MYCBP2: variants seen among roughly 807,000 people sequenced by gnomAD.
MYCBP2 encodes the protein E3 ubiquitin-protein ligase MYCBP2.
In MYCBP2, 120 loss-of-function variants were observed where a neutral mutation model predicts 525.3. The ratio of observed to expected loss-of-function variants is 0.23; its 90% confidence interval spans 0.20 to 0.27. The LOEUF is 0.27. MYCBP2 is among the 10% of genes least tolerant of loss of function. The probability of loss-of-function intolerance (pLI) is 1.00; values close to 1 mark genes in which losing one functional copy is unlikely to be tolerated. For missense variants in MYCBP2, 4,149 were observed against 5,657.1 expected (o/e 0.73, Z 8.55); for synonymous variants, 1,894 against 1,955.8 (o/e 0.97, Z 0.83).
At position 77,067,697 on chromosome 13, in the gene MYCBP2, A is replaced by G. The variant is rs1594187864; in HGVS notation, c.12339T>C (p.Ile4113=). ...LGILDMFLGC[I]AKALTVQLKA... Reference sequence around the variant, plus strand: ...TTAGCTGTACAGTGAGTGCTTTGGCAATGCATCCTAGAAACATGTCCAAGA... The same window carrying G: ...TTAGCTGTACAGTGAGTGCTTTGGCGATGCATCCTAGAAACATGTCCAAGA... The change falls in exon 71 of 83, where the codon ATT becomes ATC. Residue 4113 remains isoleucine (I), a synonymous_variant. Coordinates refer to ENST00000544440, the MANE Select transcript of MYCBP2 (RefSeq NM_015057.5). The G allele has an allele frequency of 1.9e-6, 3 of 1,614,136 alleles. No individual in the cohort carries two copies. The highest frequency in any genetic ancestry group is 2.2e-5 in the South Asian group (2 of 91,076).
At chr13:77,204,711 TGCA>T (rs2063095256) in intron 26 of MYCBP2, among the ~76,000 whole-genome samples, 2 of 129,158 alleles carry the variant, frequency 1.5e-5, no homozygotes, top group Non-Finnish European at 3.3e-5. Context: ...TGGAATACTA[TGCA>T]GCCATAAAAA....
At chr13:77,208,591 G>C (rs753036183) in intron 23 of MYCBP2, among the ~76,000 whole-genome samples, 1 of 151,970 alleles carries the variant, frequency 6.6e-6, no homozygotes, top group Non-Finnish European at 1.5e-5. Flanking sequence ...AATTATTTTT[G>C]AGCAAAAAAT....
intron 21 of MYCBP2, among the ~76,000 whole-genome samples, chr13:77,214,421 T>A (rs944368318): frequency 2.6e-5 from 4 of 151,578 alleles, no homozygotes; most frequent in Non-Finnish European, 5.9e-5. Context: ...AACTATCATA[T>A]ATACACACAA....
chr13:77,153,051 C>T (rs973465384), intron 46 of MYCBP2, among the ~76,000 whole-genome samples: 6 of 122,172 alleles, frequency 4.9e-5, no homozygotes, highest in Admixed American at 1.0e-4. Flanking sequence ...GGCGACAGAG[C>T]GAGACTCTGT....
At position 77,158,020 on chromosome 13, in the gene MYCBP2, T is replaced by A. The variant is rs761738858; in HGVS notation, c.6687A>T (p.Pro2229=). ...ACTGTTCATTGCTTTGGATTTGGAG[T>A]GGTAAATTTCCCTCAAGTGCTTCTA... is the stretch of plus-strand genomic sequence containing the variant. ...TILEALEGNL[P]LQIQSNEQSF... Residue 2229 remains proline (P), a synonymous_variant, in exon 45 of 83, where the codon CCA becomes CCT. Coordinates refer to ENST00000544440, the MANE Select transcript of MYCBP2 (RefSeq NM_015057.5). 6.2e-6 allele frequency: 10 copies of A among 1,613,570 alleles called. No individual in the cohort carries two copies. The highest frequency in any genetic ancestry group is 8.5e-6 in the Non-Finnish European group (10 of 1,179,712).
intron 26 of MYCBP2, among the ~76,000 whole-genome samples, chr13:77,200,688 G>C (rs896108625): frequency 6.6e-5 from 10 of 152,300 alleles, no homozygotes; most frequent in African/African-American, 2.4e-4. Context: ...ACTAACAGCG[G>C]ATCTCTCAGC....
chr13:77,261,105 A>G, intron 12 of MYCBP2, 66 bp downstream of exon 12: 9 of 1,304,284 alleles, frequency 6.9e-6, no homozygotes, highest in Non-Finnish European at 9.5e-6. Flanking sequence ...TATCTTAATA[A>G]AGTTTTATTT....
chr13:77,046,449 A>G (rs1211724865), intron 82 of MYCBP2, among the ~76,000 whole-genome samples: 1 of 152,236 alleles, frequency 6.6e-6, no homozygotes, highest in Non-Finnish European at 1.5e-5. Context: ...ACACTGATCA[A>G]TGAGGAATGA....
intron 49 of MYCBP2, among the ~76,000 whole-genome samples, chr13:77,143,928 T>C (rs1222676121): frequency 6.6e-6 from 1 of 152,242 alleles, no homozygotes; most frequent in African/African-American, 2.4e-5. Flanking sequence ...ACCACCATTA[T>C]ATACGCTGTT....
Position 77,326,181 on chromosome 13 carries a change from CT to C in MYCBP2, c.302+292del, listed in dbSNP as rs1260027397. ...TGTCACAGCCGACCAGCACCATCGC[CT>C]TTTCCAGCATCACAGGTTCCCCTAC... On this transcript the variant is annotated intron_variant, in intron 1 of 82. Coordinates refer to ENST00000544440, the MANE Select transcript of MYCBP2 (RefSeq NM_015057.5). The surrounding 1 kb of genome is among the most constrained non-coding windows in gnomAD (Gnocchi z 4.2). Among the ~76,000 whole-genome samples, 2 of 151,426 alleles carry C rather than the reference CT, an allele frequency of 1.3e-5. No homozygotes were observed. The highest frequency in any genetic ancestry group is 4.9e-5 in the African/African-American group (2 of 41,068).
At chr13:77,167,244 T>C (rs2058651665) in intron 40 of MYCBP2, among the ~76,000 whole-genome samples, 1 of 152,060 alleles carries the variant, frequency 6.6e-6, no homozygotes, top group Non-Finnish European at 1.5e-5. Context: ...CATATATAAA[T>C]ATAACATGTG....
Position 77,099,143 on chromosome 13 carries a change from T to TGAAGAATAAAGGAAAGAAGG in MYCBP2, c.8141-150_8141-131dup, listed in dbSNP as rs1284705186. 3 of 1,204,734 alleles carry TGAAGAATAAAGGAAAGAAGG rather than the reference T, an allele frequency of 2.5e-6. No homozygotes were observed. The Admixed American group carries it at 7.7e-5, about 31-fold the overall frequency. The allele number at this position is 1,204,734 out of a possible 1,614,324, so 74.6% of individuals were successfully genotyped here. On this transcript the variant is annotated intron_variant, in intron 55 of 82. Transcript: ENST00000544440. ...TGTTTGTCATACATACTAAAATACTTGAAGAATAAAGGAAAGAAGGGGGAA... is the reference window on the plus strand; with the variant it reads ...TGTTTGTCATACATACTAAAATACTTGAAGAATAAAGGAAAGAAGGGAAGAATAAAGGAAAGAAGGGGGAA...
At chr13:77,145,154 A>T (rs2055324847) in intron 48 of MYCBP2, among the ~76,000 whole-genome samples, 1 of 152,058 alleles carries the variant, frequency 6.6e-6, no homozygotes, top group African/African-American at 2.4e-5. Flanking sequence ...TCCACAATTT[A>T]TCCTTATTAG....
At chr13:77,047,871 T>C (rs1356205430) in intron 82 of MYCBP2, among the ~76,000 whole-genome samples, 2 of 151,980 alleles carry the variant, frequency 1.3e-5, no homozygotes, top group Non-Finnish European at 2.9e-5. Context: ...GCACATTCCT[T>C]CCCCTTTCCA....
intron 55 of MYCBP2, 84 bp from the exon 56 acceptor site, chr13:77,099,097 A>T (rs759397982): frequency 1.4e-4 from 209 of 1,515,538 alleles, no homozygotes; most frequent in Non-Finnish European, 1.4e-4. Context: ...AAATAAAAAA[A>T]CATAGCTACA....
chr13:77,237,575 A>C (rs2068109029), intron 17 of MYCBP2, among the ~76,000 whole-genome samples: 1 of 152,194 alleles, frequency 6.6e-6, no homozygotes, highest in African/African-American at 2.4e-5. Context: ...AAAAACAATA[A>C]TTGAATTAAG....
intron 15 of MYCBP2, among the ~76,000 whole-genome samples, chr13:77,245,478 C>T (rs982058996): frequency 4.6e-5 from 7 of 151,944 alleles, no homozygotes; most frequent in Admixed American, 1.3e-4. Flanking sequence ...AGGCTGGAAA[C>T]CATCATTCTC....
chr13:77,139,986 T>C lies in MYCBP2; in HGVS notation c.7518+61A>G, dbSNP rs879093213. The C allele has an allele frequency of 4.5e-6, 5 of 1,100,140 alleles. No homozygotes were observed. The South Asian group carries it at 7.8e-5, about 17-fold the overall frequency. The allele number at this position is 1,100,140 out of a possible 1,614,324, so 68.1% of individuals were successfully genotyped here. ...AAAAAACTCAGTAACCTTATTATTA[T>C]GCAAACAATGCAAAAACTTTCTGTC... On this transcript the variant is annotated intron_variant, in intron 51 of 82. Coordinates refer to ENST00000544440, the MANE Select transcript of MYCBP2 (RefSeq NM_015057.5).
chr13:77,066,764 C>G (rs549054903), intron 71 of MYCBP2, among the ~76,000 whole-genome samples: 16 of 152,178 alleles, frequency 1.1e-4, no homozygotes, highest in Non-Finnish European at 1.9e-4. Context: ...GCCAAAGCAT[C>G]AAAGATATTT....
Sources: allele counts gnomAD v4.1 joint callset (sites outside exome capture counted in the v4.1 genomes callset), GRCh38; gene constraint gnomAD v4.1.1; non-coding constraint Gnocchi (gnomAD v3.1); transcripts MANE v1.5; gene names NCBI Gene and HGNC (gene_info 2026-07-23, HGNC 2026-07-21).